Variants in LVRN observed in about 807,000 individuals in gnomAD.
LVRN encodes the protein aminopeptidase Q.
Under a neutral mutation model 111.4 loss-of-function variants are expected in LVRN, and 99 were observed. The observed-to-expected ratio is 0.89, with a 90% CI of 0.76 to 1.05. LVRN has a LOEUF of 1.05. LVRN is among the 50% of genes least tolerant of loss of function. LVRN has a pLI of 0.00. For synonymous variants in LVRN, 488 were observed against 449.5 expected (o/e 1.09, Z -1.08); for missense variants, 1,414 against 1,206.8 (o/e 1.17, Z -2.54).
intron 4 of LVRN, among the ~76,000 whole-genome samples, chr5:115,989,266 A>T (rs1226580266): frequency 6.6e-6 from 1 of 152,132 alleles, no homozygotes; most frequent in Non-Finnish European, 1.5e-5. Context: ...CCAACCTCTC[A>T]GGGCTTTTGG....
chr5:115,984,847 C>T, intron 3 of LVRN, 138 bp downstream of exon 3: 1 of 1,188,602 alleles, frequency 8.4e-7, no homozygotes, highest in Non-Finnish European at 1.2e-6. Context: ...TGTAAAAGTT[C>T]TTAGTGTGGC....
At chr5:115,999,711 G>A in intron 6 of LVRN, 51 bp from the exon 7 acceptor site, 1 of 1,583,782 alleles carries the variant, frequency 6.3e-7, no homozygotes, top group South Asian at 1.2e-5. Context: ...TAGAATTTTG[G>A]TCTTCTGTGA....
At chr5:116,015,197 A>C in intron 16 of LVRN, 55 bp from the exon 17 acceptor site, 1 of 831,322 alleles carries the variant, frequency 1.2e-6, no homozygotes, top group Non-Finnish European at 1.7e-6. Flanking sequence ...AAAATATGAT[A>C]ACCTGGGTAA....
intron 19 of LVRN, among the ~76,000 whole-genome samples, chr5:116,025,007 G>C (rs1450246647): frequency 1.3e-5 from 2 of 151,910 alleles, no homozygotes; most frequent in Non-Finnish European, 2.9e-5. Flanking sequence ...CCCCCTCCTA[G>C]ACATACTCTC....
In LVRN at chr5:116,001,182, T is replaced by C. The variant is rs1428182176; in HGVS notation, c.1763T>C (p.Met588Thr). Residue 588 changes from methionine (M) to threonine (T), a missense_variant, in exon 10 of 20, where the codon ATG becomes ACG. Met to Thr is a moderately conservative substitution (Grantham distance 81, BLOSUM62 -1). Coordinates refer to ENST00000357872, the MANE Select transcript of LVRN (RefSeq NM_173800.5). Reference sequence around the variant, plus strand: ...ACTTTAAATGTGTCTACTGGCGTCATGAAACAGGAGCCATTTTATCTTGAA... The same window carrying C: ...ACTTTAAATGTGTCTACTGGCGTCACGAAACAGGAGCCATTTTATCTTGAA... ...VITLNVSTGV[M>T]KQEPFYLENI... 5.6e-6 allele frequency: 9 copies of C among 1,613,960 alleles called. No homozygotes were observed. The highest frequency in any genetic ancestry group is 1.3e-5 in the African/African-American group (1 of 74,916).
intron 1 of LVRN, among the ~76,000 whole-genome samples, chr5:115,979,478 T>C (rs1753517956): frequency 6.6e-6 from 1 of 152,116 alleles, no homozygotes; most frequent in South Asian, 2.1e-4. Flanking sequence ...CTCCAATCTC[T>C]TTTGTCTCCA....
chr5:115,973,602 G>A (rs1322638659), intron 1 of LVRN, among the ~76,000 whole-genome samples: 1 of 152,088 alleles, frequency 6.6e-6, no homozygotes. Flanking sequence ...GGCTATTTAG[G>A]TTATCTATTT....
rs1018535421 is a variant in LVRN at position 115,965,270 on chromosome 5, G to C, written c.695+1958G>C. Among the ~76,000 whole-genome samples the C allele has an allele frequency of 2.0e-4, 30 of 152,182 alleles. 1 individual carries two copies. Among genetic ancestry groups the C allele is most frequent in the Admixed American group, 1.8e-3 (28 of 15,276 alleles). On this transcript the variant is annotated intron_variant, in intron 1 of 19. Transcript: ENST00000357872. ...ATATATGAGTCTAAGAAGATTCCCA[G>C]AGGAGAAGAAGGCAGAAGCTGGGGA...
At chr5:115,997,607 C>T (rs796139080) in intron 6 of LVRN, among the ~76,000 whole-genome samples, 84 of 151,276 alleles carry the variant, frequency 5.6e-4, no homozygotes, top group African/African-American at 1.8e-3. Context: ...GAAGCTGCGG[C>T]GAGCTATGAC....
At chr5:115,995,797 G>A (rs532623715) in intron 6 of LVRN, among the ~76,000 whole-genome samples, 2 of 152,300 alleles carry the variant, frequency 1.3e-5, no homozygotes, top group African/African-American at 4.8e-5. Context: ...AGGTATAGAA[G>A]CATTAAGTAA....
chr5:115,981,352 T>C (rs1407707977), intron 1 of LVRN, among the ~76,000 whole-genome samples: 2 of 152,214 alleles, frequency 1.3e-5, no homozygotes, highest in African/African-American at 2.4e-5. Flanking sequence ...TAACCTCTCA[T>C]TTCTAGCAGT....
intron 1 of LVRN, among the ~76,000 whole-genome samples, chr5:115,979,110 A>G (rs1753509535): frequency 6.6e-6 from 1 of 152,040 alleles, no homozygotes; most frequent in African/African-American, 2.4e-5. Context: ...GACAGTCCCC[A>G]TATTGGCTCA....
chr5:116,001,323 C>G, intron 10 of LVRN, 84 bp downstream of exon 10: 1 of 1,462,342 alleles, frequency 6.8e-7, no homozygotes, highest in Non-Finnish European at 9.4e-7. Flanking sequence ...GGTGAAGAAG[C>G]GTTACCCCCG....
intron 6 of LVRN, among the ~76,000 whole-genome samples, chr5:115,996,333 A>G (rs191259857): frequency 2.0e-4 from 31 of 152,338 alleles, no homozygotes; most frequent in African/African-American, 7.0e-4. Flanking sequence ...TGAAGCTAAG[A>G]TTACAACGTT....
Position 116,005,952 on chromosome 5 carries a change from C to G in LVRN, c.2078C>G (p.Ala693Gly), listed in dbSNP as rs140592882. ...CACAGACTGCAGTTGATTGATGATG[C>G]CTTTTCCTTGTCTAAGTGAGTATAT... is the stretch of plus-strand genomic sequence containing the variant. ...VIHRLQLIDD[A>G]FSLSKNNYIE... The change falls in exon 13 of 20, where the codon GCC becomes GGC. Residue 693 changes from alanine to glycine, a missense_variant. Coordinates refer to ENST00000357872, the MANE Select transcript of LVRN (RefSeq NM_173800.5). The G allele has an allele frequency of 2.5e-6, 4 of 1,592,924 alleles. No individual in the cohort carries two copies. The highest frequency in any genetic ancestry group is 2.2e-5 in the East Asian group (1 of 44,708).
chr5:116,021,388 G>A (rs1300974389), intron 18 of LVRN: 1 of 152,430 alleles, frequency 6.6e-6, no homozygotes, highest in Non-Finnish European at 1.5e-5. Flanking sequence ...TAGCTGGCCA[G>A]TTAAAATAGA....
At position 116,006,529 on chromosome 5, in the gene LVRN, G is replaced by T. The variant is rs73783048; in HGVS notation, c.2093+562G>T. On this transcript the variant is annotated intron_variant, in intron 13 of 19. Coordinates refer to ENST00000357872, the MANE Select transcript of LVRN (RefSeq NM_173800.5). ...CTCTCTCTGTCTCTAAGATCACCAT[G>T]ACTTTGCTATTATTGACTACATCCA... is the stretch of plus-strand genomic sequence containing the variant. Among the ~76,000 whole-genome samples the T allele has an allele frequency of 1.0e-2, 1,514 of 152,028 alleles. 27 individuals carry two copies. The highest frequency in any genetic ancestry group is 0.034 in the African/African-American group (1,430 of 41,462).
At position 116,005,873 on chromosome 5, in the gene LVRN, C is replaced by G. The variant is rs374001651; in HGVS notation, c.2038-39C>G. On this transcript the variant is annotated intron_variant, in intron 12 of 19. Coordinates refer to ENST00000357872, the MANE Select transcript of LVRN (RefSeq NM_173800.5). ...TTTGAAAACTTTGCGGAAAAATGTT[C>G]TCATCTTCTTCTGGGCATATTTGGG... 7.1e-6 allele frequency: 11 copies of G among 1,543,964 alleles called. No homozygotes were observed. In the African/African-American group the frequency reaches 1.4e-4, roughly 19 times the overall value.
chr5:115,995,732 T>C (rs920468328), intron 6 of LVRN, among the ~76,000 whole-genome samples: 1 of 152,230 alleles, frequency 6.6e-6, no homozygotes, highest in Non-Finnish European at 1.5e-5. Context: ...TACTCAGTCC[T>C]CAAACCAACC....
Sources: gnomAD v4.1 joint callset for allele counts (sites outside exome capture counted in the v4.1 genomes callset) on GRCh38, gnomAD v4.1.1 for gene constraint, MANE v1.5 for transcripts, NCBI Gene and HGNC (gene_info 2026-07-23, HGNC 2026-07-21) for gene names.